PTPRN2: variants seen among roughly 807,000 people sequenced by gnomAD.
PTPRN2 encodes the protein protein tyrosine phosphatase receptor type N2.
In PTPRN2, 74 loss-of-function variants were observed where a neutral mutation model predicts 118.8. That is an observed-to-expected ratio of 0.62 (90% CI 0.52 to 0.76). The LOEUF is 0.76. PTPRN2 is among the 30% of genes least tolerant of loss of function. PTPRN2 has a pLI of 0.00. For synonymous variants in PTPRN2, 641 were observed against 608.0 expected (o/e 1.05, Z -0.80); for missense variants, 1,481 against 1,394.4 (o/e 1.06, Z -0.99).
At chr7:157,566,205 G>C (rs1039216963) in intron 21 of PTPRN2, among the ~76,000 whole-genome samples, 1 of 152,234 alleles carries the variant, frequency 6.6e-6, no homozygotes, top group African/African-American at 2.4e-5. Context: ...CGTTGGCACT[G>C]CCCGACTGCC....
intron 11 of PTPRN2, among the ~76,000 whole-genome samples, chr7:157,999,415 C>T (rs1038830590): frequency 6.6e-6 from 1 of 152,186 alleles, no homozygotes; most frequent in African/African-American, 2.4e-5. Context: ...TCACGTGCCA[C>T]GGAGCTACAC....
intron 2 of PTPRN2, among the ~76,000 whole-genome samples, chr7:158,480,812 C>A (rs138202880): frequency 2.9e-4 from 44 of 152,332 alleles, no homozygotes; most frequent in African/African-American, 9.1e-4. Flanking sequence ...TCCATGAAGG[C>A]TGAGAGAAGT....
intron 11 of PTPRN2, among the ~76,000 whole-genome samples, chr7:157,912,213 C>T (rs939800037): frequency 6.6e-6 from 1 of 152,172 alleles, no homozygotes; most frequent in East Asian, 1.9e-4. Flanking sequence ...AACACTTTGC[C>T]GATTTGGTAG....
intron 4 of PTPRN2, among the ~76,000 whole-genome samples, chr7:158,197,538 T>C (rs1826303122): frequency 6.6e-6 from 1 of 152,230 alleles, no homozygotes. Flanking sequence ...AAACCCACCA[T>C]GTTTTTATTT....
rs367561019 is a variant in PTPRN2 at position 157,938,294 on chromosome 7, G to A, written c.1724-39557C>T. Among the ~76,000 whole-genome samples, 420 of 152,340 alleles carry A rather than the reference G, an allele frequency of 2.8e-3. 2 individuals carry two copies. The highest frequency in any genetic ancestry group is 9.0e-3 in the African/African-American group (374 of 41,582). ...GCAGTGGAGATGCAGGGGAGACATCGCACAGGAGCGTCAGCCATGGGACAG... is the reference window on the plus strand; with the variant it reads ...GCAGTGGAGATGCAGGGGAGACATCACACAGGAGCGTCAGCCATGGGACAG... On this transcript the variant is annotated intron_variant, in intron 11 of 22. Coordinates refer to ENST00000389418, the MANE Select transcript of PTPRN2 (RefSeq NM_002847.5).
At position 158,111,134 on chromosome 7, in the gene PTPRN2, C is replaced by G. The variant is rs1213198825; in HGVS notation, c.1557-219G>C. The stretch of plus-strand genomic sequence containing the variant: ...CGGGGCTGTGGGAATCGCAAGTGGC[C>G]CACCGTGTGGAGACTGGCTCCTCTC... On this transcript the variant is annotated intron_variant, in intron 9 of 22. Transcript: ENST00000389418. 3.3e-5 allele frequency among the ~76,000 whole-genome samples: 5 copies of G among 152,182 alleles called. No homozygotes were observed. The East Asian group carries it at 9.6e-4, about 29-fold the overall frequency.
intron 3 of PTPRN2, among the ~76,000 whole-genome samples, chr7:158,208,094 G>C (rs146857072): frequency 6.6e-6 from 1 of 152,082 alleles, no homozygotes; most frequent in Non-Finnish European, 1.5e-5. Flanking sequence ...AAAATATGCC[G>C]TCAGAGGAGA....
At chr7:158,232,118 A>G (rs1829195717) in intron 3 of PTPRN2, among the ~76,000 whole-genome samples, 1 of 152,152 alleles carries the variant, frequency 6.6e-6, no homozygotes, top group South Asian at 2.1e-4. Flanking sequence ...TACAAATCAG[A>G]GCAGAAATAA....
chr7:158,306,647 A>G (rs576649736), intron 3 of PTPRN2, among the ~76,000 whole-genome samples: 8 of 152,126 alleles, frequency 5.3e-5, no homozygotes, highest in African/African-American at 1.9e-4. Flanking sequence ...ATAAACAGCA[A>G]CAACAACAAC....
At chr7:157,873,782 A>G (rs1795536327) in intron 12 of PTPRN2, among the ~76,000 whole-genome samples, 1 of 151,918 alleles carries the variant, frequency 6.6e-6, no homozygotes. Context: ...TACTGAGGAG[A>G]GCGCAGCACT....
chr7:157,729,064 T>C lies in PTPRN2; in HGVS notation c.1789-46127A>G, dbSNP rs936105666. Among the ~76,000 whole-genome samples, 10 of 152,004 alleles carry C rather than the reference T, an allele frequency of 6.6e-5. No individual in the cohort carries two copies. The highest frequency in any genetic ancestry group is 1.3e-4 in the Non-Finnish European group (9 of 68,024). ...CACAGACAATGGGAATCTGGGCTGA[T>C]ACCGGGCCTTTGAAAATAGTCGGGG... is the stretch of plus-strand genomic sequence containing the variant. On this transcript the variant is annotated intron_variant, in intron 12 of 22. Transcript: ENST00000389418. The surrounding 1 kb of genome is among the most constrained non-coding windows in gnomAD (Gnocchi z 4.3).
rs77770383 is a variant in PTPRN2, at chr7:157,609,762, A to G, written c.2345-5687T>C. 6.6e-6 allele frequency among the ~76,000 whole-genome samples: 1 copy of G among 152,234 alleles called. No individual in the cohort carries two copies. Among genetic ancestry groups the G allele is most frequent in the Non-Finnish European group, 1.5e-5 (1 of 68,044 alleles). ...GAGCAAGGCTGAGATGACGGTGGAC[A>G]CGCACCCAACTGCGCAGGTCAGCCA... is the stretch of plus-strand genomic sequence containing the variant. On this transcript the variant is annotated intron_variant, in intron 15 of 22. Coordinates refer to ENST00000389418, the MANE Select transcript of PTPRN2 (RefSeq NM_002847.5). This position sits in a 1 kb window ranked among gnomAD's most constrained non-coding sequence, Gnocchi z 4.9.
At chr7:158,298,106 C>T (rs926063622) in intron 3 of PTPRN2, among the ~76,000 whole-genome samples, 3 of 152,200 alleles carry the variant, frequency 2.0e-5, no homozygotes, top group Middle Eastern at 3.4e-3. Context: ...TGTACTTATG[C>T]CCTTTTTTGT....
intron 14 of PTPRN2, among the ~76,000 whole-genome samples, chr7:157,653,128 G>A (rs907662636): frequency 4.6e-5 from 7 of 152,250 alleles, no homozygotes; most frequent in Admixed American, 2.6e-4. Context: ...CGGTGCAGCC[G>A]GCCTCTCCCA....
chr7:158,354,338 C>A (rs996937477), intron 2 of PTPRN2, among the ~76,000 whole-genome samples: 3 of 152,166 alleles, frequency 2.0e-5, no homozygotes, highest in Admixed American at 6.5e-5. Flanking sequence ...GCAGACGGGA[C>A]CATGGCCTCC....
At position 157,674,176 on chromosome 7, in the gene PTPRN2, AAGG is replaced by A. The variant is rs889939906; in HGVS notation, c.2001+8546_2001+8548del. 1.1e-4 allele frequency among the ~76,000 whole-genome samples: 17 copies of A among 151,994 alleles called. No homozygotes were observed. The highest frequency in any genetic ancestry group is 4.1e-4 in the African/African-American group (17 of 41,364). ...GAACCCCCAACACAGCAGGGGAGGG[AAGG>A]AGGAGGCGGGGCTCACAGAGCAGAG... On this transcript the variant is annotated intron_variant, in intron 13 of 22. Transcript: ENST00000389418. This position sits in a 1 kb window ranked among gnomAD's most constrained non-coding sequence, Gnocchi z 4.5.
At chr7:158,267,622 C>G (rs1295030398) in intron 3 of PTPRN2, among the ~76,000 whole-genome samples, 2 of 152,204 alleles carry the variant, frequency 1.3e-5, no homozygotes, top group Non-Finnish European at 2.9e-5. Flanking sequence ...GGGCCTGCCC[C>G]TCGCCCCTGA....
At chr7:157,701,260 C>T (rs1389982732) in intron 12 of PTPRN2, among the ~76,000 whole-genome samples, 2 of 152,196 alleles carry the variant, frequency 1.3e-5, no homozygotes. Context: ...GCATGTTTCA[C>T]AGGGGAGAGC....
chr7:158,115,213 C>A (rs1311204761), intron 9 of PTPRN2, among the ~76,000 whole-genome samples: 1 of 152,132 alleles, frequency 6.6e-6, no homozygotes, highest in Non-Finnish European at 1.5e-5. Context: ...AAAGTTCCCT[C>A]CCCTGGATAA....
Sources: allele counts gnomAD v4.1 joint callset (sites outside exome capture counted in the v4.1 genomes callset), GRCh38; gene constraint gnomAD v4.1.1; non-coding constraint Gnocchi (gnomAD v3.1); transcripts MANE v1.5; gene names NCBI Gene and HGNC (gene_info 2026-07-23, HGNC 2026-07-21).